ST7L: variants seen among roughly 807,000 people sequenced by gnomAD.
The protein encoded by ST7L is suppression of tumorigenicity 7 like.
ST7L carries 57 observed loss-of-function variants against 72.5 expected under a neutral mutation model. The ratio of observed to expected loss-of-function variants is 0.79; its 90% CI spans 0.64 to 0.98. The LOEUF is 0.98. Among genes scored for constraint, ST7L ranks in the 50% least tolerant of loss-of-function variants. The pLI is 0.00. For synonymous variants in ST7L, 221 were observed against 240.9 expected (o/e 0.92, Z 0.77); for missense variants, 576 against 672.2 (o/e 0.86, Z 1.58).
chr1:112,559,276 G>C (rs921066259), intron 11 of ST7L, among the ~76,000 whole-genome samples: 4 of 152,092 alleles, frequency 2.6e-5, no homozygotes, highest in Non-Finnish European at 5.9e-5. Context: ...ACGGTGTCTT[G>C]CTCTGTTGTC....
chr1:112,548,690 T>A (rs1385576608), intron 13 of ST7L, among the ~76,000 whole-genome samples: 1 of 152,198 alleles, frequency 6.6e-6, no homozygotes, highest in East Asian at 1.9e-4. Context: ...ATGGTCCTAG[T>A]GTTTATAGCC....
intron 1 of ST7L, chr1:112,617,879 C>A: frequency 1.6e-6 from 1 of 618,662 alleles, no homozygotes; most frequent in Non-Finnish European, 2.5e-6. Context: ...CACCGTTAAG[C>A]ACTTCATTCA....
chr1:112,610,676 C>T, intron 3 of ST7L, 165 bp downstream of exon 3: 1 of 798,422 alleles, frequency 1.3e-6, no homozygotes, highest in Non-Finnish European at 1.9e-6. Flanking sequence ...ATGACCTGAT[C>T]ACCTCCCAAA....
intron 13 of ST7L, among the ~76,000 whole-genome samples, chr1:112,549,556 T>C (rs1210854325): frequency 6.6e-6 from 1 of 152,176 alleles, no homozygotes; most frequent in African/African-American, 2.4e-5. Flanking sequence ...GCTACTATGA[T>C]TGCTATTGTT....
chr1:112,541,985 T>C lies in ST7L; in HGVS notation c.1595A>G (p.Gln532Arg). The change falls in exon 14 of 15, where the codon CAG (glutamine) becomes CGG (arginine). Residue 532 changes from glutamine (Q) to arginine (R), a missense_variant. Physicochemically the swap from Gln to Arg is conservative, Grantham distance 43 (BLOSUM62 1). This residue lies in a region of ST7L where 511 missense variants were observed against 600.7 expected (regional missense o/e 0.85). Transcript: ENST00000358039. ...STAMIAILTH[Q>R]FPEIMGIFAK... ...AAAAATACCCATGATTTCAGGAAAC[T>C]GGTGAGTGAGAATGGCTATCATTGC... The C allele has an allele frequency of 1.2e-6, 2 of 1,613,886 alleles. No homozygotes were observed. The highest frequency in any genetic ancestry group is 4.5e-5 in the East Asian group (2 of 44,826).
intron 1 of ST7L, 144 bp downstream of exon 1, chr1:112,618,765 C>G (rs979251968): frequency 7.0e-7 from 1 of 1,438,004 alleles, no homozygotes; most frequent in African/African-American, 1.4e-5. Context: ...GGTTGCAGCC[C>G]AAAAGAAAAA....
At chr1:112,593,231 C>A (rs1665955850) in intron 5 of ST7L, among the ~76,000 whole-genome samples, 1 of 152,074 alleles carries the variant, frequency 6.6e-6, no homozygotes, top group Non-Finnish European at 1.5e-5. Flanking sequence ...ACAACCAAAG[C>A]AGTCCTAAGC....
intron 8 of ST7L, 63 bp downstream of exon 8, chr1:112,582,312 A>G: frequency 8.1e-7 from 1 of 1,229,792 alleles, no homozygotes; most frequent in East Asian, 2.4e-5. Context: ...ATAACTGGCA[A>G]CTTAACTAAA....
chr1:112,608,417 A>G (rs1463962977), intron 3 of ST7L, among the ~76,000 whole-genome samples: 1 of 152,150 alleles, frequency 6.6e-6, no homozygotes, highest in African/African-American at 2.4e-5. Context: ...TTCTGTCACC[A>G]TAGTATCTTA....
At chr1:112,574,930 G>A (rs1662857406) in intron 11 of ST7L, among the ~76,000 whole-genome samples, 1 of 152,028 alleles carries the variant, frequency 6.6e-6, no homozygotes, top group Non-Finnish European at 1.5e-5. Flanking sequence ...TGCATGTGTA[G>A]TAGAACTCAT....
chr1:112,584,131 G>A lies in ST7L; in HGVS notation c.702-5C>T. 6.2e-7 allele frequency: 1 copy of A among 1,608,238 alleles called. No homozygotes were observed. Among genetic ancestry groups the A allele is most frequent in the Non-Finnish European group, 8.5e-7 (1 of 1,178,338 alleles). ...AGAACATATGCAGTGGCACAGCTAT[G>A]AAGAAAGCAAGAAGGCAATTTTAAA... On this transcript the variant is annotated splice_polypyrimidine_tract_variant and splice_region_variant and intron_variant, in intron 6 of 14. Transcript: ENST00000358039.
chr1:112,560,127 G>C (rs1659865137), intron 11 of ST7L, among the ~76,000 whole-genome samples: 1 of 152,146 alleles, frequency 6.6e-6, no homozygotes, highest in Admixed American at 6.5e-5. Flanking sequence ...AGGCGCAGTG[G>C]TTCACGCCTG....
At chr1:112,573,114 C>T (rs934078375) in intron 11 of ST7L, among the ~76,000 whole-genome samples, 3 of 151,752 alleles carry the variant, frequency 2.0e-5, no homozygotes, top group African/African-American at 4.8e-5. Flanking sequence ...TTTGGGAGGC[C>T]GAGGCGGGCT....
chr1:112,556,286 C>T (rs1286228436), intron 11 of ST7L, among the ~76,000 whole-genome samples: 5 of 151,866 alleles, frequency 3.3e-5, no homozygotes, highest in African/African-American at 7.3e-5. Flanking sequence ...AATGGAAACT[C>T]GAGCTGAGAA....
intron 5 of ST7L, among the ~76,000 whole-genome samples, chr1:112,592,729 T>C (rs1485965853): frequency 6.6e-6 from 1 of 152,232 alleles, no homozygotes; most frequent in Non-Finnish European, 1.5e-5. Flanking sequence ...TTTGGTACTC[T>C]AGTATATTAA....
At chr1:112,566,026 G>A in intron 11 of ST7L, among the ~76,000 whole-genome samples, 2 of 150,408 alleles carry the variant, frequency 1.3e-5, no homozygotes, top group Admixed American at 6.6e-5. Context: ...AAAAAAAAAA[G>A]GTACAGAAAT....
At chr1:112,617,387 TATCTC>T (rs1364724297) in intron 1 of ST7L, 3 of 154,204 alleles carry the variant, frequency 1.9e-5, no homozygotes, top group Non-Finnish European at 4.3e-5. Context: ...TTCAAATAAT[TATCTC>T]ATAAGTACTG....
At chr1:112,554,334 T>C (rs1395621964) in intron 12 of ST7L, among the ~76,000 whole-genome samples, 5 of 152,090 alleles carry the variant, frequency 3.3e-5, no homozygotes, top group African/African-American at 4.8e-5. Flanking sequence ...AGAAGATATA[T>C]AAATGGCCAA....
At chr1:112,581,525 AGTAGCTGGGACTACAG>A (rs1664115954) in intron 9 of ST7L, among the ~76,000 whole-genome samples, 1 of 152,002 alleles carries the variant, frequency 6.6e-6, no homozygotes, top group Admixed American at 6.6e-5. Context: ...TAGCCTCCCA[AGTAGCTGGGACTACAG>A]GTACACACCA....
Sources: allele counts gnomAD v4.1 joint callset (sites outside exome capture counted in the v4.1 genomes callset), GRCh38; gene constraint gnomAD v4.1.1; regional missense constraint gnomAD v4.1.1; transcripts MANE v1.5; gene names NCBI Gene and HGNC (gene_info 2026-07-23, HGNC 2026-07-21).